MIS18A: variants seen among roughly 807,000 people sequenced by gnomAD.
MIS18A encodes the protein MIS18 kinetochore protein A.
In MIS18A, 14 loss-of-function variants were observed where a neutral mutation model predicts 25.0. The observed-to-expected ratio is 0.56, with a 90% confidence interval of 0.37 to 0.88. The LOEUF (loss-of-function observed/expected upper bound fraction) is 0.88, where lower values mean the gene tolerates loss of function less well. Among genes scored for constraint, MIS18A ranks in the 40% least tolerant of loss-of-function variants. MIS18A has a pLI of 0.00. For synonymous variants in MIS18A, 134 were observed against 118.6 expected, an observed-to-expected ratio of 1.13 and a Z score of -0.84; for missense variants, 292 against 290.8, an observed-to-expected ratio of 1.00 and a Z score of -0.03.
the MIS18A span, among the ~76,000 whole-genome samples, chr21:32,173,106 T>C: frequency 6.6e-6 from 1 of 152,172 alleles, no homozygotes; most frequent in Non-Finnish European, 1.5e-5. Flanking sequence ...AGATAAATCA[T>C]ACTTCATCAA....
the MIS18A span, among the ~76,000 whole-genome samples, chr21:32,161,434 C>G: frequency 6.6e-6 from 1 of 151,896 alleles, no homozygotes; most frequent in Non-Finnish European, 1.5e-5. Flanking sequence ...TTGGGGGTGA[C>G]CATTTACTTA....
At chr21:32,230,087 T>C in the MIS18A span, among the ~76,000 whole-genome samples, 1 of 152,242 alleles carries the variant, frequency 6.6e-6, no homozygotes, top group Non-Finnish European at 1.5e-5. Flanking sequence ...ATGGATGCTA[T>C]CAAGTACTTC....
chr21:32,216,966 A>G, the MIS18A span, among the ~76,000 whole-genome samples: 6 of 152,238 alleles, frequency 3.9e-5, no homozygotes, highest in Non-Finnish European at 7.3e-5. Flanking sequence ...CTGAACAAAC[A>G]TTTACAAAAC....
chr21:32,276,568 C>T (rs1056198084), intron 1 of MIS18A, among the ~76,000 whole-genome samples: 15 of 150,164 alleles, frequency 1.0e-4, no homozygotes, highest in African/African-American at 3.2e-4. Context: ...TCAAACAATT[C>T]AGGAATGAAA....
At chr21:32,178,173 G>A in the MIS18A span, among the ~76,000 whole-genome samples, 28 of 151,986 alleles carry the variant, frequency 1.8e-4, no homozygotes, top group African/African-American at 4.3e-4. Context: ...TCACATCTCC[G>A]TCTCTCAGAG....
At chr21:32,191,769 G>GT in the MIS18A span, among the ~76,000 whole-genome samples, 1 of 151,992 alleles carries the variant, frequency 6.6e-6, no homozygotes, top group African/African-American at 2.4e-5. Context: ...GCAGAGCGTT[G>GT]TGGCGGGTGC....
At chr21:32,175,532 G>A in the MIS18A span, among the ~76,000 whole-genome samples, 1 of 151,060 alleles carries the variant, frequency 6.6e-6, no homozygotes, top group African/African-American at 2.4e-5. Flanking sequence ...CACACCGGCT[G>A]GGCACAATGG....
chr21:32,234,659 G>A, the MIS18A span, among the ~76,000 whole-genome samples: 1 of 152,148 alleles, frequency 6.6e-6, no homozygotes, highest in Non-Finnish European at 1.5e-5. Context: ...GTTCATGTGA[G>A]AACTGCTTGT....
At chr21:32,183,373 G>T in the MIS18A span, among the ~76,000 whole-genome samples, 2 of 152,106 alleles carry the variant, frequency 1.3e-5, no homozygotes, top group Non-Finnish European at 2.9e-5. Flanking sequence ...AATTGCTTTT[G>T]CCAACAGCTA....
the MIS18A span, among the ~76,000 whole-genome samples, chr21:32,236,202 G>A: frequency 1.5e-5 from 2 of 137,014 alleles, no homozygotes; most frequent in African/African-American, 6.4e-5. Context: ...GTGAAACCCC[G>A]TCTCTACTAA....
the MIS18A span, among the ~76,000 whole-genome samples, chr21:32,156,727 G>T: frequency 3.3e-5 from 5 of 152,086 alleles, no homozygotes; most frequent in East Asian, 7.7e-4. Context: ...CCAGCGGGGG[G>T]TTGCATCTGT....
Position 32,268,928 on chromosome 21 carries a change from A to C in MIS18A, c.*109T>G. On this transcript the variant is annotated 3_prime_UTR_variant, in exon 5 of 5. Coordinates refer to ENST00000290130, the MANE Select transcript of MIS18A (RefSeq NM_018944.3). ...ACCTCAGCGTTTCGCATGCCTGGCT[A>C]ATTTTTTTTTTCTTTTTTTTTTTGT... is the stretch of plus-strand genomic sequence containing the variant. 1 of 796,290 alleles carries C rather than the reference A, an allele frequency of 1.3e-6. No homozygotes were observed. Among genetic ancestry groups the C allele is most frequent in the Non-Finnish European group, 1.9e-6 (1 of 530,916 alleles). The allele number at this position is 796,290 out of a possible 1,614,324, so 49.3% of individuals were successfully genotyped here.
At position 32,278,847 on chromosome 21, in the gene MIS18A, G is replaced by A. The variant is rs1229937128; in HGVS notation, c.168C>T (p.Ser56=). ...CCATGTCGGCCACCGACGCGTCTTC[G>A]CTCATGGAGCTCCACATGCTCGCCC... is the stretch of plus-strand genomic sequence containing the variant. ...QKWASMWSSM[S]EDASVADMER... is the part of the protein sequence containing the mutation. The change falls in exon 1 of 5, where the codon AGC becomes AGT. Residue 56 remains serine (S), a synonymous_variant. Coordinates refer to ENST00000290130, the MANE Select transcript of MIS18A (RefSeq NM_018944.3). 13 of 1,610,738 alleles carry A rather than the reference G, an allele frequency of 8.1e-6. No homozygotes were observed. The highest frequency in any genetic ancestry group is 1.3e-5 in the African/African-American group (1 of 74,916).
the MIS18A span, among the ~76,000 whole-genome samples, chr21:32,226,669 C>T: frequency 2.0e-5 from 3 of 152,076 alleles, no homozygotes; most frequent in African/African-American, 7.2e-5. Context: ...AGACTTTCAA[C>T]CACACTTTCA....
the MIS18A span, among the ~76,000 whole-genome samples, chr21:32,211,977 C>T: frequency 6.6e-6 from 1 of 152,102 alleles, no homozygotes. Context: ...GATTTTGATG[C>T]AATGAATGCA....
the MIS18A span, among the ~76,000 whole-genome samples, chr21:32,158,184 A>T: frequency 6.6e-6 from 1 of 152,208 alleles, no homozygotes; most frequent in Non-Finnish European, 1.5e-5. Context: ...TGTTTTCAAA[A>T]ATAATTTTTT....
chr21:32,256,420 C>G, the MIS18A span, among the ~76,000 whole-genome samples: 6,816 of 152,232 alleles, frequency 0.045, 203 homozygotes, highest in South Asian at 0.12. Context: ...ACTTGAGCCT[C>G]GTGGCTGTCA....
chr21:32,236,191 G>A, the MIS18A span, among the ~76,000 whole-genome samples: 4 of 149,322 alleles, frequency 2.7e-5, no homozygotes, highest in Non-Finnish European at 5.9e-5. Flanking sequence ...TGGCTAACAC[G>A]GTGAAACCCC....
the MIS18A span, among the ~76,000 whole-genome samples, chr21:32,161,695 T>C: frequency 6.9e-6 from 1 of 145,214 alleles, no homozygotes; most frequent in Admixed American, 7.1e-5. Context: ...TTTCACCATG[T>C]TGCCCAGGCT....
Sources: gnomAD v4.1 joint callset for allele counts (sites outside exome capture counted in the v4.1 genomes callset) on GRCh38, gnomAD v4.1.1 for gene constraint, MANE v1.5 for transcripts, NCBI Gene and HGNC (gene_info 2026-07-23, HGNC 2026-07-21) for gene names.